SDK1: variants seen among roughly 807,000 people sequenced by gnomAD.
SDK1 encodes sidekick cell adhesion molecule 1, also known as protein sidekick-1.
SDK1 carries 157 observed loss-of-function variants against 245.5 expected under a neutral mutation model. The observed-to-expected ratio is 0.64, with a 90% CI of 0.56 to 0.73. The LOEUF (loss-of-function observed/expected upper bound fraction) is 0.73. Ranked by LOEUF, SDK1 falls within the 30% of genes least tolerant of loss-of-function variation. The pLI, the probability that SDK1 is intolerant of heterozygous loss-of-function variation, is 0.00. For missense variants in SDK1, 3,583 were observed against 3,002.3 expected (o/e 1.19, Z -4.52); for synonymous variants, 1,647 against 1,278.5 (o/e 1.29, Z -6.15).
chr7:3,747,692 G>C (rs73304246), intron 4 of SDK1, among the ~76,000 whole-genome samples: 8,924 of 146,152 alleles, frequency 0.061, 768 homozygotes, highest in African/African-American at 0.22. Flanking sequence ...ATTTAACTTA[G>C]CCTGGGGTGT....
intron 5 of SDK1, among the ~76,000 whole-genome samples, chr7:3,861,449 T>C (rs1780690215): frequency 6.6e-6 from 1 of 152,178 alleles, no homozygotes; most frequent in Non-Finnish European, 1.5e-5. Flanking sequence ...TTTTTGGGCT[T>C]GGGGAGTGCT....
chr7:3,743,520 A>C (rs6946134), intron 4 of SDK1, among the ~76,000 whole-genome samples: 9,838 of 152,192 alleles, frequency 0.065, 1,049 homozygotes, highest in African/African-American at 0.23. Context: ...AGTCTCTAAC[A>C]AAATGCACTT....
rs114383435 is a variant in SDK1 at position 4,086,139 on chromosome 7, C to T, written c.3324+6555C>T. Among the ~76,000 whole-genome samples, 847 of 152,256 alleles carry T rather than the reference C, an allele frequency of 5.6e-3. 10 individuals carry two copies. The highest frequency in any genetic ancestry group is 0.019 in the African/African-American group (810 of 41,548). On this transcript the variant is annotated intron_variant, in intron 22 of 44. Transcript: ENST00000404826. ...TGGCATATTGCGCCTTGCTGTCTTC[C>T]GGTGACAGCACATCCTGAATACCCC...
chr7:3,448,648 A>G (rs1780417406), intron 1 of SDK1, among the ~76,000 whole-genome samples: 1 of 152,122 alleles, frequency 6.6e-6, no homozygotes, highest in Non-Finnish European at 1.5e-5. Flanking sequence ...GAGATATGTG[A>G]GTCAAGCTTT....
intron 40 of SDK1, among the ~76,000 whole-genome samples, chr7:4,227,700 T>C (rs1373298914): frequency 6.6e-6 from 1 of 152,240 alleles, no homozygotes; most frequent in African/African-American, 2.4e-5. Context: ...AACTTTTGTA[T>C]TGGCATGACG....
At chr7:3,545,223 A>G (rs192005023) in intron 1 of SDK1, among the ~76,000 whole-genome samples, 2 of 152,260 alleles carry the variant, frequency 1.3e-5, no homozygotes, top group Admixed American at 6.5e-5. Flanking sequence ...AAGAACTATG[A>G]GGAATGGGGA....
intron 1 of SDK1, among the ~76,000 whole-genome samples, chr7:3,392,326 G>T (rs1469959053): frequency 6.6e-6 from 1 of 152,046 alleles, no homozygotes; most frequent in African/African-American, 2.4e-5. Context: ...CATGTCATTC[G>T]TTTTTATTGA....
intron 20 of SDK1, among the ~76,000 whole-genome samples, chr7:4,070,205 G>A (rs138719394): frequency 4.8e-4 from 73 of 152,306 alleles, no homozygotes; most frequent in African/African-American, 1.7e-3. Context: ...ACCACAGTTA[G>A]TTCCTAATGG....
intron 1 of SDK1, among the ~76,000 whole-genome samples, chr7:3,381,388 A>C (rs1002486967): frequency 2.0e-5 from 3 of 152,016 alleles, no homozygotes; most frequent in African/African-American, 7.3e-5. Flanking sequence ...GAGAAAGAGC[A>C]CCCGCACTGG....
chr7:3,628,527 C>T (rs1024962515), intron 2 of SDK1, among the ~76,000 whole-genome samples: 2 of 152,086 alleles, frequency 1.3e-5, no homozygotes, highest in African/African-American at 4.8e-5. Flanking sequence ...TTTGGGGCTA[C>T]TAGAGACTCC....
Position 4,051,784 on chromosome 7 carries a change from G to C in SDK1, c.2865G>C (p.Gly955=), listed in dbSNP as rs764695946. 2 of 1,613,606 alleles carry C rather than the reference G, an allele frequency of 1.2e-6. No individual in the cohort carries two copies. Among genetic ancestry groups the C allele is most frequent in the Non-Finnish European group, 1.7e-6 (2 of 1,179,870 alleles). The change falls in exon 19 of 45, where the codon GGG becomes GGC. Residue 955 remains glycine, a synonymous_variant. Transcript: ENST00000404826. ...CCGTTCTGTGCTTCACCACCCCTGGGGACGGGCCTCCCAGCACACCTCAGC... is the reference window on the plus strand; with the variant it reads ...CCGTTCTGTGCTTCACCACCCCTGGCGACGGGCCTCCCAGCACACCTCAGC... ...FTSVLCFTTP[G]DGPPSTPQLV...
intron 1 of SDK1, among the ~76,000 whole-genome samples, chr7:3,398,241 T>C (rs994442915): frequency 1.1e-4 from 16 of 152,098 alleles, no homozygotes; most frequent in Admixed American, 5.2e-4. Flanking sequence ...CCGCCTTAAG[T>C]AGAGTCTGTA....
chr7:4,015,064 TA>T (rs1447737017), intron 16 of SDK1, among the ~76,000 whole-genome samples: 1 of 152,210 alleles, frequency 6.6e-6, no homozygotes, highest in African/African-American at 2.4e-5. Flanking sequence ...GAGCAGTGTT[TA>T]AAAATGTATA....
chr7:3,540,165 G>C (rs1234516677), intron 1 of SDK1, among the ~76,000 whole-genome samples: 1 of 152,220 alleles, frequency 6.6e-6, no homozygotes, highest in Non-Finnish European at 1.5e-5. Flanking sequence ...CTAGCACTTT[G>C]GAAGACCAAG....
intron 13 of SDK1, among the ~76,000 whole-genome samples, chr7:3,984,507 A>G (rs764388215): frequency 1.1e-4 from 17 of 152,212 alleles, no homozygotes; most frequent in Non-Finnish European, 2.4e-4. Flanking sequence ...GAAAGTGTGC[A>G]GAGACACAGC....
intron 44 of SDK1, among the ~76,000 whole-genome samples, chr7:4,256,116 C>T (rs1193695411): frequency 1.3e-5 from 2 of 152,028 alleles, no homozygotes; most frequent in African/African-American, 4.8e-5. Flanking sequence ...GACGGGGTTT[C>T]GCCATGTTGG....
chr7:3,739,660 G>A lies in SDK1; in HGVS notation c.714-81790G>A, dbSNP rs753101318. ...ATCTTTTAATATTGTTTGTTGAGAC[G>A]TAGTTCTCATACTTTAATTCTTTAG... is the stretch of plus-strand genomic sequence containing the variant. On this transcript the variant is annotated intron_variant, in intron 4 of 44. Coordinates refer to ENST00000404826, the MANE Select transcript of SDK1 (RefSeq NM_152744.4). 1.1e-4 allele frequency among the ~76,000 whole-genome samples: 16 copies of A among 151,936 alleles called. 1 individual carries two copies. Among genetic ancestry groups the A allele is most frequent in the Admixed American group, 3.3e-4 (5 of 15,254 alleles).
At chr7:4,116,423 C>T (rs1880856) in intron 25 of SDK1, among the ~76,000 whole-genome samples, 1 of 152,096 alleles carries the variant, frequency 6.6e-6, no homozygotes, top group Non-Finnish European at 1.5e-5. Context: ...TGCATCTGCA[C>T]GTGCCACCCG....
At chr7:4,233,535 G>T (rs537242900) in intron 41 of SDK1, 116 bp downstream of exon 41, 1 of 992,382 alleles carries the variant, frequency 1.0e-6, no homozygotes, top group Non-Finnish European at 1.5e-6. Flanking sequence ...AAATGGGGTC[G>T]AGGGGGACCC....
Sources: allele counts gnomAD v4.1 joint callset (sites outside exome capture counted in the v4.1 genomes callset), GRCh38; gene constraint gnomAD v4.1.1; transcripts MANE v1.5; gene names NCBI Gene and HGNC (gene_info 2026-07-23, HGNC 2026-07-21).